The following DOCK4 variants were observed in gnomAD, a reference collection of about 807,000 sequenced individuals.
The protein encoded by DOCK4 is dedicator of cytokinesis protein 4.
A neutral mutation model predicts 268.1 loss-of-function variants in DOCK4; 97 were observed. That is an observed-to-expected ratio of 0.36 (90% CI 0.31 to 0.43). DOCK4 has a LOEUF of 0.43. Ranked by LOEUF, DOCK4 falls within the 20% of genes least tolerant of loss-of-function variation. The probability of loss-of-function intolerance (pLI) is 1.00; values close to 1 mark genes in which losing one functional copy is unlikely to be tolerated. For missense variants in DOCK4, 2,145 were observed against 2,455.7 expected (o/e 0.87, Z 2.67); for synonymous variants, 954 against 887.2 (o/e 1.08, Z -1.34).
At chr7:112,017,968 C>T (rs751604447) in intron 1 of DOCK4, among the ~76,000 whole-genome samples, 3 of 151,520 alleles carry the variant, frequency 2.0e-5, no homozygotes, top group East Asian at 1.9e-4. Flanking sequence ...AGGTGGATCA[C>T]GAGGTCAGGA....
chr7:112,205,999 G>T (rs892047508), intron 1 of DOCK4, 103 bp downstream of exon 1: 9 of 1,309,612 alleles, frequency 6.9e-6, no homozygotes, highest in Non-Finnish European at 9.6e-6. Flanking sequence ...CCAGGATTAG[G>T]CATTTTCAAC....
At chr7:112,084,769 C>T (rs2135731907) in intron 1 of DOCK4, among the ~76,000 whole-genome samples, 1 of 152,202 alleles carries the variant, frequency 6.6e-6, no homozygotes, top group East Asian at 1.9e-4. Context: ...TGCCAAATCA[C>T]AGTGACATGA....
At chr7:111,961,202 C>A (rs1796865784) in intron 8 of DOCK4, among the ~76,000 whole-genome samples, 1 of 152,182 alleles carries the variant, frequency 6.6e-6, no homozygotes, top group Admixed American at 6.5e-5. Flanking sequence ...ATCAAGGCCA[C>A]AAACCCAAAG....
chr7:112,055,699 G>C (rs1380839935), intron 1 of DOCK4, among the ~76,000 whole-genome samples: 1 of 152,098 alleles, frequency 6.6e-6, no homozygotes, highest in Non-Finnish European at 1.5e-5. Context: ...CTTGAGACCA[G>C]GAGTTCGAAA....
intron 11 of DOCK4, among the ~76,000 whole-genome samples, chr7:111,937,145 T>C (rs897782836): frequency 3.3e-5 from 5 of 152,202 alleles, no homozygotes; most frequent in Non-Finnish European, 5.9e-5. Context: ...TCCTAAAGTA[T>C]GTGACTAAAG....
At chr7:112,159,317 C>T (rs1482850425) in intron 1 of DOCK4, among the ~76,000 whole-genome samples, 9 of 152,020 alleles carry the variant, frequency 5.9e-5, no homozygotes, top group African/African-American at 1.9e-4. Flanking sequence ...GCCCCTATCA[C>T]GTAGTCTCTG....
chr7:112,107,172 G>T (rs1296334771), intron 1 of DOCK4, among the ~76,000 whole-genome samples: 18 of 152,192 alleles, frequency 1.2e-4, no homozygotes, highest in Non-Finnish European at 2.6e-4. Context: ...GGAAAGGAAA[G>T]AGGAGAAGAC....
Position 112,071,944 on chromosome 7 carries a change from C to T in DOCK4, c.38-67813G>A, listed in dbSNP as rs114406971. Among the ~76,000 whole-genome samples the T allele has an allele frequency of 1.6e-3, 248 of 152,292 alleles. 1 individual carries two copies. The highest frequency in any genetic ancestry group is 5.6e-3 in the African/African-American group (231 of 41,570). ...TCCAGATTCCTCCTCTATATGTTTA[C>T]AATTTTAGTGAAATTTCTTGACTAT... On this transcript the variant is annotated intron_variant, in intron 1 of 52. Coordinates refer to ENST00000428084, the MANE Select transcript of DOCK4 (RefSeq NM_001363540.2).
At chr7:111,834,927 T>C (rs190076218) in intron 25 of DOCK4, among the ~76,000 whole-genome samples, 1 of 152,268 alleles carries the variant, frequency 6.6e-6, no homozygotes, top group Non-Finnish European at 1.5e-5. Context: ...GAGGATTTTT[T>C]TTTTTAACTT....
chr7:111,768,375 A>G (rs1175483500), intron 37 of DOCK4, among the ~76,000 whole-genome samples: 2 of 152,220 alleles, frequency 1.3e-5, no homozygotes, highest in African/African-American at 2.4e-5. Context: ...GTGTACCTAG[A>G]TAAATAATAA....
Position 112,111,418 on chromosome 7 carries a change from A to G in DOCK4, c.37+94684T>C, listed in dbSNP as rs149290417. ...TCAGGTGTATCCATATCAAGCTGAG[A>G]AAAACACTTTAATTTCACAAATTGG... On this transcript the variant is annotated intron_variant, in intron 1 of 52. Coordinates refer to ENST00000428084, the MANE Select transcript of DOCK4 (RefSeq NM_001363540.2). Among the ~76,000 whole-genome samples the G allele has an allele frequency of 5.4e-3, 827 of 152,272 alleles. 28 individuals are homozygous for G. Among genetic ancestry groups the G allele is most frequent in the Admixed American group, 0.048 (738 of 15,286 alleles).
chr7:111,907,190 G>A (rs1319306288), intron 13 of DOCK4, among the ~76,000 whole-genome samples: 1 of 152,048 alleles, frequency 6.6e-6, no homozygotes, highest in Non-Finnish European at 1.5e-5. Context: ...AACCCATCAG[G>A]TTTTCTCTAT....
chr7:112,152,792 C>T (rs1032776556), intron 1 of DOCK4, among the ~76,000 whole-genome samples: 3 of 151,946 alleles, frequency 2.0e-5, no homozygotes, highest in Admixed American at 2.0e-4. Flanking sequence ...AGCCTAAAGT[C>T]TTGATTATTA....
Position 111,822,311 on chromosome 7 carries a change from C to A in DOCK4, c.2930+51G>T, listed in dbSNP as rs867981805. The stretch of plus-strand genomic sequence containing the variant: ...AATGAAAAAGATAATTTTGTACTCC[C>A]TTCTTCCTCTATACATTGAGCTGCA... On this transcript the variant is annotated intron_variant, in intron 27 of 52. Coordinates refer to ENST00000428084, the MANE Select transcript of DOCK4 (RefSeq NM_001363540.2). 4.1e-6 allele frequency: 6 copies of A among 1,471,582 alleles called. No individual in the cohort carries two copies. In the Admixed American group the frequency reaches 1.1e-4, roughly 28 times the overall value. The allele number at this position is 1,471,582 out of a possible 1,614,324, so 91.2% of individuals were successfully genotyped here.
intron 22 of DOCK4, 55 bp from the exon 23 acceptor site, chr7:111,863,619 C>G (rs1427394149): frequency 6.7e-7 from 1 of 1,488,884 alleles, no homozygotes; most frequent in African/African-American, 1.4e-5. Flanking sequence ...GAGAAATATG[C>G]TGCAAAACGT....
chr7:111,951,455 A>G (rs1796039411), intron 8 of DOCK4, among the ~76,000 whole-genome samples: 2 of 152,038 alleles, frequency 1.3e-5, no homozygotes, highest in Admixed American at 1.3e-4. Flanking sequence ...GTCTGATTTG[A>G]GAGTCTCACC....
rs77922539 is a variant in DOCK4, at chr7:112,004,961, A to G, written c.38-830T>C. Among the ~76,000 whole-genome samples the G allele has an allele frequency of 5.7e-3, 865 of 152,328 alleles. 18 individuals carry two copies. In the East Asian group the frequency reaches 0.078, roughly 14 times the overall value. On this transcript the variant is annotated intron_variant, in intron 1 of 52. Coordinates refer to ENST00000428084, the MANE Select transcript of DOCK4 (RefSeq NM_001363540.2). ...GGCAACTCCAGGAATTATAGAGAGA[A>G]TAAAGCTCAGTGATTCTTCCCTGAA...
At chr7:111,832,208 A>G (rs1315437496) in intron 26 of DOCK4, among the ~76,000 whole-genome samples, 3 of 152,192 alleles carry the variant, frequency 2.0e-5, no homozygotes, top group Non-Finnish European at 4.4e-5. Flanking sequence ...CCAGCCAAAT[A>G]TATATCTAGC....
intron 16 of DOCK4, among the ~76,000 whole-genome samples, chr7:111,879,719 A>G (rs1807217924): frequency 6.6e-6 from 1 of 152,230 alleles, no homozygotes; most frequent in Non-Finnish European, 1.5e-5. Context: ...GATAAATTTA[A>G]CAAAGAGATT....
Sources: gnomAD v4.1 joint callset for allele counts (sites outside exome capture counted in the v4.1 genomes callset) on GRCh38, gnomAD v4.1.1 for gene constraint, MANE v1.5 for transcripts, NCBI Gene and HGNC (gene_info 2026-07-23, HGNC 2026-07-21) for gene names.